FILIP1L: variants seen among roughly 807,000 people sequenced by gnomAD.
The protein encoded by FILIP1L is filamin A-interacting protein 1-like.
Under a neutral mutation model 96.6 loss-of-function variants are expected in FILIP1L, and 55 were observed. The ratio of observed to expected loss-of-function variants is 0.57; its 90% CI spans 0.46 to 0.71. The LOEUF (loss-of-function observed/expected upper bound fraction) is 0.71. FILIP1L is among the 30% of genes least tolerant of loss of function. The pLI, the probability that FILIP1L is intolerant of heterozygous loss-of-function variation, is 0.00. For missense variants in FILIP1L, 1,304 were observed against 1,321.2 expected, an observed-to-expected ratio of 0.99 and a Z score of 0.20; for synonymous variants, 467 against 473.9, an observed-to-expected ratio of 0.99 and a Z score of 0.19.
chr3:99,981,567 C>T (rs1012278706), intron 1 of FILIP1L, among the ~76,000 whole-genome samples: 2 of 152,024 alleles, frequency 1.3e-5, no homozygotes, highest in Admixed American at 1.3e-4. Context: ...TATCTATATA[C>T]CTATATACTA....
chr3:99,931,835 A>G (rs1004002240), intron 1 of FILIP1L, among the ~76,000 whole-genome samples: 5 of 152,244 alleles, frequency 3.3e-5, no homozygotes, highest in African/African-American at 1.2e-4. Flanking sequence ...AATTTATAAT[A>G]GGAAGAAAAA....
chr3:100,092,315 T>C (rs1206333473), intron 1 of FILIP1L, among the ~76,000 whole-genome samples: 2 of 152,120 alleles, frequency 1.3e-5, no homozygotes, highest in Non-Finnish European at 2.9e-5. Context: ...CTGAAACCAG[T>C]AGATTTCCCG....
intron 1 of FILIP1L, among the ~76,000 whole-genome samples, chr3:100,010,755 C>T (rs1481403866): frequency 6.7e-6 from 1 of 148,970 alleles, no homozygotes; most frequent in African/African-American, 2.5e-5. Context: ...GCTGGGATTA[C>T]AGGTGCGCGC....
At chr3:99,929,165 T>C (rs1309467353) in intron 3 of FILIP1L, among the ~76,000 whole-genome samples, 1 of 152,112 alleles carries the variant, frequency 6.6e-6, no homozygotes, top group Non-Finnish European at 1.5e-5. Flanking sequence ...AAGAATAAAA[T>C]AAGAATTCCA....
intron 4 of FILIP1L, among the ~76,000 whole-genome samples, chr3:99,867,469 T>C (rs899217972): frequency 6.6e-6 from 1 of 152,154 alleles, no homozygotes; most frequent in Non-Finnish European, 1.5e-5. Context: ...CTTTTTAAAG[T>C]TTACTAATTC....
chr3:99,909,678 G>A (rs997225020), intron 4 of FILIP1L, among the ~76,000 whole-genome samples: 2 of 152,074 alleles, frequency 1.3e-5, no homozygotes, highest in African/African-American at 4.8e-5. Flanking sequence ...TCATCATACA[G>A]ATGAAAAAAG....
chr3:99,909,430 T>A lies in FILIP1L; in HGVS notation c.605+14800A>T, dbSNP rs544662976. Among the ~76,000 whole-genome samples, 21 of 151,906 alleles carry A rather than the reference T, an allele frequency of 1.4e-4. No individual in the cohort carries two copies. The South Asian group carries it at 4.2e-3, about 30-fold the overall frequency. On this transcript the variant is annotated intron_variant, in intron 4 of 5. Coordinates refer to ENST00000477258, the MANE Select transcript of FILIP1L (RefSeq NM_001387850.1). ...GAGGGGGTCTGGGGTGTGGGTGGAG[T>A]CATGGTATCAAAAGGAGTTAGAGCC...
chr3:99,962,561 GT>G (rs1382467922), intron 1 of FILIP1L, among the ~76,000 whole-genome samples: 1 of 152,140 alleles, frequency 6.6e-6, no homozygotes, highest in Non-Finnish European at 1.5e-5. Context: ...AGATAATATT[GT>G]TTTAACATTC....
rs1179402440 is a variant in FILIP1L, at chr3:99,916,457, CA to C, written c.605+7772del. Among the ~76,000 whole-genome samples the C allele has an allele frequency of 1.2e-4, 18 of 149,254 alleles. No homozygotes were observed. In the East Asian group the frequency reaches 2.1e-3, roughly 18 times the overall value. On this transcript the variant is annotated intron_variant, in intron 4 of 5. Transcript: ENST00000477258. ...GTTTATACACACACACACACACACA[CA>C]CACACACACACACACACACACACAC...
chr3:99,955,279 T>C (rs1255625769), intron 1 of FILIP1L, among the ~76,000 whole-genome samples: 4 of 152,206 alleles, frequency 2.6e-5, no homozygotes, highest in Admixed American at 2.6e-4. Flanking sequence ...CAAAACTTAG[T>C]AAAGACTTTG....
At chr3:100,014,981 AGCTTTTTCCCCAT>A (rs1710297398) in intron 1 of FILIP1L, among the ~76,000 whole-genome samples, 2 of 138,424 alleles carry the variant, frequency 1.4e-5, no homozygotes, top group South Asian at 4.6e-4. Context: ...AATATCAAGA[AGCTTTTTCCCCAT>A]GTTTTTTCAT....
intron 4 of FILIP1L, among the ~76,000 whole-genome samples, chr3:99,887,155 G>A (rs1256281772): frequency 6.6e-6 from 1 of 151,864 alleles, no homozygotes; most frequent in African/African-American, 2.4e-5. Flanking sequence ...TGTAATCCCA[G>A]CTACTCGAGA....
At chr3:100,010,811 AGAGGT>A (rs1710131105) in intron 1 of FILIP1L, among the ~76,000 whole-genome samples, 1 of 85,628 alleles carries the variant, frequency 1.2e-5, no homozygotes, top group Admixed American at 1.4e-4. Context: ...TATTTTTAGT[AGAGGT>A]GGGGGTTTCA....
intron 5 of FILIP1L, among the ~76,000 whole-genome samples, chr3:99,843,607 T>C (rs1441860135): frequency 6.6e-6 from 1 of 152,230 alleles, no homozygotes; most frequent in African/African-American, 2.4e-5. Context: ...ATATGTTTAA[T>C]ACACCTAACC....
At position 100,100,553 on chromosome 3, in the gene FILIP1L, A is replaced by G. The variant is rs141146788; in HGVS notation, c.-11+13500T>C. 4.6e-3 allele frequency among the ~76,000 whole-genome samples: 694 copies of G among 152,296 alleles called. 4 individuals are homozygous for G. The highest frequency in any genetic ancestry group is 0.016 in the African/African-American group (661 of 41,568). The stretch of plus-strand genomic sequence containing the variant: ...CAAAGCTGTGCTTTTGCATGGTTCT[A>G]CATGTCTTCAGAGAGATTCAGAGCA... On this transcript the variant is annotated intron_variant, in intron 1 of 5. Transcript: ENST00000477258.
chr3:99,946,758 C>A (rs956131013), intron 1 of FILIP1L, among the ~76,000 whole-genome samples: 3 of 152,058 alleles, frequency 2.0e-5, no homozygotes, highest in Admixed American at 6.6e-5. Context: ...TTATTTTTAG[C>A]CTTTAGTAGG....
intron 3 of FILIP1L, chr3:99,925,820 A>T: frequency 8.1e-6 from 8 of 984,908 alleles, no homozygotes; most frequent in Non-Finnish European, 9.6e-6. Context: ...GGCCAAAAGC[A>T]TCACAGTCAG....
chr3:99,930,303 C>G (rs925687483), intron 2 of FILIP1L, among the ~76,000 whole-genome samples: 6 of 152,178 alleles, frequency 3.9e-5, no homozygotes, highest in African/African-American at 1.4e-4. Flanking sequence ...TGATATCCAT[C>G]AATGTACTAG....
intron 4 of FILIP1L, among the ~76,000 whole-genome samples, chr3:99,915,408 A>T (rs1380607744): frequency 6.6e-6 from 1 of 152,230 alleles, no homozygotes; most frequent in Non-Finnish European, 1.5e-5. Context: ...TTGATTTTTC[A>T]TAATAACTTT....
Sources: allele counts gnomAD v4.1 joint callset (sites outside exome capture counted in the v4.1 genomes callset), GRCh38; gene constraint gnomAD v4.1.1; transcripts MANE v1.5; gene names NCBI Gene and HGNC (gene_info 2026-07-23, HGNC 2026-07-21).